The following RALYL variants were observed in gnomAD, a reference collection of about 807,000 sequenced individuals.
RALYL encodes the protein RNA-binding Raly-like protein.
A neutral mutation model predicts 35.1 loss-of-function variants in RALYL; 29 were observed. That is an observed-to-expected ratio of 0.83 (90% CI 0.61 to 1.13). The LOEUF (loss-of-function observed/expected upper bound fraction) is 1.13, where lower values mean the gene tolerates loss of function less well. Among genes scored for constraint, RALYL ranks in the 50% most tolerant of loss-of-function variants. The probability of loss-of-function intolerance (pLI) is 0.00; values close to 1 mark genes in which losing one functional copy is unlikely to be tolerated. For missense variants in RALYL, 359 were observed against 360.4 expected, an observed-to-expected ratio of 1.00 and a Z score of 0.03; for synonymous variants, 120 against 127.6, an observed-to-expected ratio of 0.94 and a Z score of 0.40.
Position 84,367,318 on chromosome 8 carries a change from ATTTTTTTTTTTTTTTTTTTTTTTTTT to A in RALYL, c.-23-161955_-23-161930del, listed in dbSNP as rs56387511. ...GCCATCCTGCCCAACTAATTTTTGTATTTTTTTTTTTTTTTTTTTTTTTTTTTTTTTTTTTTTTTTTTTTTTTTTTT... is the reference window on the plus strand; with the variant it reads ...GCCATCCTGCCCAACTAATTTTTGTATTTTTTTTTTTTTTTTTTTTTTTTT... On this transcript the variant is annotated intron_variant, in intron 1 of 8. Coordinates refer to ENST00000521268, the MANE Select transcript of RALYL (RefSeq NM_173848.7). Among the ~76,000 whole-genome samples the A allele has an allele frequency of 9.1e-4, 25 of 27,404 alleles. 1 individual carries two copies. Among genetic ancestry groups the A allele is most frequent in the South Asian group, 2.1e-3 (1 of 482 alleles). 18.0% of individuals were successfully genotyped at this position (27,404 alleles called of 152,430 possible).
chr8:84,839,858 G>A (rs1832829785), intron 4 of RALYL, among the ~76,000 whole-genome samples: 1 of 152,182 alleles, frequency 6.6e-6, no homozygotes, highest in African/African-American at 2.4e-5. Context: ...AGGCAAACAG[G>A]GTCTGGAGTG....
chr8:84,230,297 A>C (rs1169636122), intron 1 of RALYL, among the ~76,000 whole-genome samples: 6 of 152,094 alleles, frequency 3.9e-5, no homozygotes. Flanking sequence ...TTCTCAAAAC[A>C]ATGTATACAT....
chr8:84,269,449 G>T (rs146070976), intron 1 of RALYL, among the ~76,000 whole-genome samples: 59 of 152,236 alleles, frequency 3.9e-4, no homozygotes, highest in African/African-American at 1.3e-3. Flanking sequence ...TATATCTTGT[G>T]AAATATATTA....
intron 6 of RALYL, among the ~76,000 whole-genome samples, chr8:84,862,955 G>A (rs1838418831): frequency 6.6e-6 from 1 of 152,122 alleles, no homozygotes; most frequent in Non-Finnish European, 1.5e-5. Context: ...TATATTTAAT[G>A]TCATAAAAAG....
At position 84,209,473 on chromosome 8, in the gene RALYL, ATCTAAC is replaced by A. The variant is rs199593790; in HGVS notation, c.-24+25055_-24+25060del. 7.9e-5 allele frequency among the ~76,000 whole-genome samples: 12 copies of A among 152,328 alleles called. No homozygotes were observed. The East Asian group carries it at 2.3e-3, about 29-fold the overall frequency. ...TTGGAAAGAAAATGGGGATGGGAAC[ATCTAAC>A]TCTAATTGTTATTGTGAGTGTCACC... On this transcript the variant is annotated intron_variant, in intron 1 of 8. Transcript: ENST00000521268.
chr8:84,761,098 A>G (rs1346930766), intron 2 of RALYL, among the ~76,000 whole-genome samples: 1 of 152,084 alleles, frequency 6.6e-6, no homozygotes, highest in East Asian at 1.9e-4. Flanking sequence ...AGAATAGGGA[A>G]TCTCTTCCAT....
At chr8:84,455,651 TCAA>T (rs2050051997) in intron 1 of RALYL, among the ~76,000 whole-genome samples, 1 of 151,968 alleles carries the variant, frequency 6.6e-6, no homozygotes, top group Non-Finnish European at 1.5e-5. Flanking sequence ...TCCATAATAA[TCAA>T]ATGGGCAAAG....
In RALYL at chr8:84,891,521, C is replaced by T. The variant is rs551411354; in HGVS notation, c.858+3745C>T. On this transcript the variant is annotated intron_variant, in intron 8 of 8. Coordinates refer to ENST00000521268, the MANE Select transcript of RALYL (RefSeq NM_173848.7). ...GTATCTGGACTATACTCTAAACACA[C>T]AGAAAATAGCTGATTAGAACTGAGC... is the stretch of plus-strand genomic sequence containing the variant. Among the ~76,000 whole-genome samples the T allele has an allele frequency of 3.9e-5, 6 of 152,244 alleles. No homozygotes were observed. In the South Asian group the frequency reaches 6.2e-4, roughly 16 times the overall value.
intron 3 of RALYL, among the ~76,000 whole-genome samples, chr8:84,801,686 A>AGAT (rs1823309671): frequency 1.3e-5 from 2 of 152,234 alleles, no homozygotes; most frequent in African/African-American, 4.8e-5. Flanking sequence ...AAGCCAAATC[A>AGAT]GATGTGTCTG....
At chr8:84,398,613 G>T (rs1282436232) in intron 1 of RALYL, among the ~76,000 whole-genome samples, 1 of 151,970 alleles carries the variant, frequency 6.6e-6, no homozygotes. Flanking sequence ...AATGATACAT[G>T]GAACATATGT....
intron 1 of RALYL, among the ~76,000 whole-genome samples, chr8:84,510,049 C>T (rs2057482731): frequency 6.6e-6 from 1 of 152,060 alleles, no homozygotes; most frequent in Non-Finnish European, 1.5e-5. Context: ...AAAGTAATTT[C>T]CTGGAATTTT....
intron 2 of RALYL, among the ~76,000 whole-genome samples, chr8:84,602,923 G>A (rs1310401925): frequency 6.6e-6 from 1 of 152,142 alleles, no homozygotes; most frequent in East Asian, 1.9e-4. Flanking sequence ...CATCTGTGAA[G>A]GTCTCTCTGA....
chr8:84,716,427 A>T (rs1304212028), intron 2 of RALYL, among the ~76,000 whole-genome samples: 1 of 152,232 alleles, frequency 6.6e-6, no homozygotes, highest in Non-Finnish European at 1.5e-5. Context: ...GTTTACTTTT[A>T]ATTGAGGTAT....
At chr8:84,829,738 G>A (rs1443948010) in intron 4 of RALYL, among the ~76,000 whole-genome samples, 2 of 152,140 alleles carry the variant, frequency 1.3e-5, no homozygotes, top group African/African-American at 4.8e-5. Context: ...CGAACACTGA[G>A]TTAGCAAATA....
At chr8:84,361,433 A>C (rs1322959486) in intron 1 of RALYL, among the ~76,000 whole-genome samples, 1 of 152,150 alleles carries the variant, frequency 6.6e-6, no homozygotes, top group Non-Finnish European at 1.5e-5. Flanking sequence ...ATTGGAAGAA[A>C]TTGTACAGAG....
At chr8:84,441,836 C>T (rs530237985) in intron 1 of RALYL, among the ~76,000 whole-genome samples, 2 of 152,152 alleles carry the variant, frequency 1.3e-5, no homozygotes, top group East Asian at 3.9e-4. Flanking sequence ...TTCCTCATCC[C>T]ACTGCCCATG....
At chr8:84,234,075 C>T (rs1322696614) in intron 1 of RALYL, among the ~76,000 whole-genome samples, 2 of 152,018 alleles carry the variant, frequency 1.3e-5, no homozygotes, top group Admixed American at 6.6e-5. Context: ...CTTTTTGTAT[C>T]TCTCTGTGGA....
intron 2 of RALYL, among the ~76,000 whole-genome samples, chr8:84,767,405 T>C (rs1355856761): frequency 6.6e-6 from 1 of 152,210 alleles, no homozygotes; most frequent in Non-Finnish European, 1.5e-5. Flanking sequence ...AAGATACAGT[T>C]AGTAGCCCAA....
chr8:84,706,130 C>G (rs1841166769), intron 2 of RALYL: 3 of 1,354,688 alleles, frequency 2.2e-6, no homozygotes, highest in Non-Finnish European at 3.0e-6. Context: ...TCTTAAAAGA[C>G]TAATCATGAC....
Sources: gnomAD v4.1 joint callset for allele counts (sites outside exome capture counted in the v4.1 genomes callset) on GRCh38, gnomAD v4.1.1 for gene constraint, MANE v1.5 for transcripts, NCBI Gene and HGNC (gene_info 2026-07-23, HGNC 2026-07-21) for gene names.